Variants in GRIA3 observed in about 807,000 individuals in gnomAD.
GRIA3 encodes the protein glutamate receptor 3.
Under a neutral mutation model 63.0 loss-of-function variants are expected in GRIA3, and 3 were observed. The observed-to-expected ratio is 0.05, with a 90% CI of 0.02 to 0.12. GRIA3 has a LOEUF of 0.12. Among genes scored for constraint, GRIA3 ranks in the 10% least tolerant of loss-of-function variants. The pLI is 1.00. For missense variants in GRIA3, 347 were observed against 700.9 expected, an observed-to-expected ratio of 0.50 and a Z score of 5.70; for synonymous variants, 274 against 257.9, an observed-to-expected ratio of 1.06 and a Z score of -0.60.
chrX:123,252,345 A>C (rs1205138960), intron 2 of GRIA3, among the ~76,000 whole-genome samples: 2 of 112,490 alleles, frequency 1.8e-5, no homozygotes, highest in Non-Finnish European at 3.7e-5. Context: ...AAATCACACC[A>C]CATTATGCCT....
At chrX:123,454,559 G>A (rs1305721786) in intron 12 of GRIA3, among the ~76,000 whole-genome samples, 2 of 110,796 alleles carry the variant, frequency 1.8e-5, no homozygotes, top group Admixed American at 9.7e-5. Flanking sequence ...GGTGGTGGGG[G>A]CTGTCCTGTG....
intron 12 of GRIA3, among the ~76,000 whole-genome samples, chrX:123,446,831 G>A (rs969893072): frequency 9.0e-6 from 1 of 111,233 alleles, no homozygotes; most frequent in Non-Finnish European, 1.9e-5. Context: ...TGGGATAGAA[G>A]GCAATCAGGT....
At chrX:123,217,053 ACATTT>A (rs1479478528) in intron 2 of GRIA3, among the ~76,000 whole-genome samples, 1 of 111,786 alleles carries the variant, frequency 8.9e-6, no homozygotes, top group Non-Finnish European at 1.9e-5. Context: ...GGGACCATGG[ACATTT>A]CTGCAGTGCC....
At chrX:123,260,258 G>A (rs895819569) in intron 3 of GRIA3, among the ~76,000 whole-genome samples, 12 of 103,671 alleles carry the variant, frequency 1.2e-4, no homozygotes, top group African/African-American at 4.2e-4. Context: ...CATTGGTAAG[G>A]GGCTATATTT....
At chrX:123,461,817 AAAG>A (rs2045794350) in intron 12 of GRIA3, among the ~76,000 whole-genome samples, 1 of 110,951 alleles carries the variant, frequency 9.0e-6, no homozygotes, top group African/African-American at 3.3e-5. Flanking sequence ...ATGAGAATGA[AAAG>A]AAGATGAGAG....
chrX:123,476,855 C>T (rs151245066), intron 13 of GRIA3, among the ~76,000 whole-genome samples: 15 of 111,373 alleles, frequency 1.3e-4, no homozygotes, highest in African/African-American at 4.2e-4. Flanking sequence ...CATCTCCCGG[C>T]CCCGACCCAG....
intron 11 of GRIA3, among the ~76,000 whole-genome samples, chrX:123,426,229 AC>A (rs1272082994): frequency 8.9e-6 from 1 of 111,772 alleles, no homozygotes; most frequent in African/African-American, 3.2e-5. Context: ...GTTTTATAAA[AC>A]CTAGGGAGCA....
At chrX:123,325,360 A>C (rs1307759558) in intron 3 of GRIA3, among the ~76,000 whole-genome samples, 4 of 111,961 alleles carry the variant, frequency 3.6e-5, no homozygotes, top group African/African-American at 1.3e-4. Context: ...GGTAGCTAAC[A>C]GTTATCTAAT....
At chrX:123,459,852 G>T (rs2045783060) in intron 12 of GRIA3, among the ~76,000 whole-genome samples, 1 of 110,170 alleles carries the variant, frequency 9.1e-6, no homozygotes, top group Middle Eastern at 4.2e-3. Flanking sequence ...AAGAGGAAAT[G>T]CTAGTTTTCT....
intron 12 of GRIA3, among the ~76,000 whole-genome samples, chrX:123,460,401 A>G (rs2045785799): frequency 8.9e-6 from 1 of 112,073 alleles, no homozygotes; most frequent in Non-Finnish European, 1.9e-5. Flanking sequence ...ATAAATGCAC[A>G]AAAATGCATA....
chrX:123,313,036 C>T (rs1358118782), intron 3 of GRIA3, among the ~76,000 whole-genome samples: 1 of 108,468 alleles, frequency 9.2e-6, no homozygotes, highest in Non-Finnish European at 1.9e-5. Context: ...TTCTCTGCAG[C>T]TCACACAAGA....
chrX:123,354,854 G>A, intron 4 of GRIA3, 56 bp from the exon 5 acceptor site: 1 of 865,075 alleles, frequency 1.2e-6, no homozygotes, highest in Non-Finnish European at 1.7e-6. Flanking sequence ...CACTGATTGT[G>A]CAATTGAAAA....
intron 5 of GRIA3, among the ~76,000 whole-genome samples, chrX:123,368,224 AGAG>A (rs1263462566): frequency 9.0e-6 from 1 of 111,482 alleles, no homozygotes; most frequent in Non-Finnish European, 1.9e-5. Context: ...TTATTATCAG[AGAG>A]GAGGAGTGAG....
At chrX:123,218,992 A>C (rs1034310418) in intron 2 of GRIA3, among the ~76,000 whole-genome samples, 1 of 111,632 alleles carries the variant, frequency 9.0e-6, no homozygotes, top group Admixed American at 9.5e-5. Context: ...TAACATTTTA[A>C]GCTTGTACTA....
At chrX:123,425,769 G>A (rs2045586271) in intron 11 of GRIA3, among the ~76,000 whole-genome samples, 1 of 111,620 alleles carries the variant, frequency 9.0e-6, no homozygotes, top group African/African-American at 3.3e-5. Flanking sequence ...AGCTAAAAGT[G>A]ATCATGTTCA....
chrX:123,255,975 TA>T (rs1277505151), intron 3 of GRIA3, among the ~76,000 whole-genome samples: 1 of 111,211 alleles, frequency 9.0e-6, no homozygotes, highest in African/African-American at 3.3e-5. Flanking sequence ...CTCAACCAAC[TA>T]ACAAACCCAT....
chrX:123,292,438 C>A (rs1328887206), intron 3 of GRIA3, among the ~76,000 whole-genome samples: 7 of 110,883 alleles, frequency 6.3e-5, no homozygotes, highest in African/African-American at 2.3e-4. Context: ...ATCCTACTTG[C>A]TGACTAGTCG....
intron 2 of GRIA3, among the ~76,000 whole-genome samples, chrX:123,251,972 T>C (rs759385655): frequency 2.7e-5 from 3 of 112,470 alleles, no homozygotes; most frequent in African/African-American, 9.7e-5. Context: ...CTGAGAACTC[T>C]ATCTCTCACA....
intron 12 of GRIA3, among the ~76,000 whole-genome samples, chrX:123,435,960 AG>A (rs1401062659): frequency 8.9e-6 from 1 of 111,813 alleles, no homozygotes; most frequent in Non-Finnish European, 1.9e-5. Flanking sequence ...GCTCTTTAAA[AG>A]TATGAAGGTG....
Sources: gnomAD v4.1 joint callset for allele counts (sites outside exome capture counted in the v4.1 genomes callset) on GRCh38, gnomAD v4.1.1 for gene constraint, MANE v1.5 for transcripts, NCBI Gene and HGNC (gene_info 2026-07-23, HGNC 2026-07-21) for gene names.